BMP6: variants seen among roughly 807,000 people sequenced by gnomAD.
BMP6 encodes the protein bone morphogenetic protein 6.
A neutral mutation model predicts 54.1 loss-of-function variants in BMP6; 17 were observed. The ratio of observed to expected loss-of-function variants is 0.31; its 90% CI spans 0.22 to 0.47. The LOEUF (loss-of-function observed/expected upper bound fraction) is 0.47, where lower values mean the gene tolerates loss of function less well. Ranked by LOEUF, BMP6 falls within the 20% of genes least tolerant of loss-of-function variation. BMP6 has a pLI of 1.00. For missense variants in BMP6, 720 were observed against 690.4 expected (o/e 1.04, Z -0.48); for synonymous variants, 328 against 291.2 (o/e 1.13, Z -1.28).
At chr6:7,751,281 C>A (rs764422666) in intron 1 of BMP6, among the ~76,000 whole-genome samples, 13 of 152,172 alleles carry the variant, frequency 8.5e-5, no homozygotes, top group Non-Finnish European at 1.6e-4. Context: ...AAATGGAGCT[C>A]AGATCAATCT....
chr6:7,727,369 T>A lies in BMP6; in HGVS notation c.414T>A (p.Asp138Glu). The A allele has an allele frequency of 1.2e-6, 2 of 1,609,876 alleles. No homozygotes were observed. The highest frequency in any genetic ancestry group is 1.7e-6 in the Non-Finnish European group (2 of 1,178,836). The change falls in exon 1 of 7, where the codon GAT becomes GAA. Residue 138 changes from aspartate to glutamate, a missense_variant. Physicochemically the swap from Asp to Glu is conservative, Grantham distance 45 (BLOSUM62 2). Coordinates refer to ENST00000283147, the MANE Select transcript of BMP6 (RefSeq NM_001718.6). ...AGTCCGCGCCCCTCTTCATGCTGGA[T>A]CTGTACAACGCCCTGTCCGCCGACA... ...RLKSAPLFML[D>E]LYNALSADND...
At chr6:7,801,728 C>G (rs575376071) in intron 1 of BMP6, among the ~76,000 whole-genome samples, 1 of 152,334 alleles carries the variant, frequency 6.6e-6, no homozygotes, top group South Asian at 2.1e-4. Flanking sequence ...CAGAATGCAG[C>G]ATGAACACAG....
intron 1 of BMP6, among the ~76,000 whole-genome samples, chr6:7,839,908 G>A (rs1406128576): frequency 6.6e-6 from 1 of 152,212 alleles, no homozygotes. Flanking sequence ...GCACCATTTT[G>A]CATTCCCATC....
intron 1 of BMP6, among the ~76,000 whole-genome samples, chr6:7,777,225 C>T (rs2113163048): frequency 6.6e-6 from 1 of 152,338 alleles, no homozygotes; most frequent in Non-Finnish European, 1.5e-5. Context: ...GTCAGAGGTG[C>T]TGGCTGAGTC....
At chr6:7,761,935 T>A (rs1472908376) in intron 1 of BMP6, among the ~76,000 whole-genome samples, 1 of 152,212 alleles carries the variant, frequency 6.6e-6, no homozygotes, top group Non-Finnish European at 1.5e-5. Context: ...TCTGACTCTG[T>A]TGCCCAGGCT....
At chr6:7,831,008 A>G (rs552042681) in intron 1 of BMP6, among the ~76,000 whole-genome samples, 1 of 152,380 alleles carries the variant, frequency 6.6e-6, no homozygotes, top group South Asian at 2.1e-4. Context: ...ATGCATGTTC[A>G]TAGAAGCACT....
At chr6:7,838,402 T>C (rs1377047865) in intron 1 of BMP6, among the ~76,000 whole-genome samples, 1 of 152,082 alleles carries the variant, frequency 6.6e-6, no homozygotes, top group Admixed American at 6.5e-5. Context: ...AACCACACAA[T>C]GCCATAGGAA....
At chr6:7,807,037 A>G (rs972583019) in intron 1 of BMP6, among the ~76,000 whole-genome samples, 4 of 152,152 alleles carry the variant, frequency 2.6e-5, no homozygotes, top group Admixed American at 2.0e-4. Flanking sequence ...ATATTTAACA[A>G]CTTTCTAAAA....
chr6:7,787,225 T>C (rs1758033071), intron 1 of BMP6, among the ~76,000 whole-genome samples: 1 of 152,198 alleles, frequency 6.6e-6, no homozygotes, highest in Non-Finnish European at 1.5e-5. Flanking sequence ...ATTTGTCTTC[T>C]GGCCAGTTGT....
At chr6:7,802,376 C>T (rs540007885) in intron 1 of BMP6, among the ~76,000 whole-genome samples, 12 of 152,186 alleles carry the variant, frequency 7.9e-5, no homozygotes, top group Non-Finnish European at 1.3e-4. Context: ...TGATCCCTCA[C>T]CTCTCCCTTG....
intron 1 of BMP6, among the ~76,000 whole-genome samples, chr6:7,811,413 T>G (rs1758433893): frequency 6.6e-6 from 1 of 151,986 alleles, no homozygotes; most frequent in Non-Finnish European, 1.5e-5. Flanking sequence ...AGAAGGAAGG[T>G]CTGATTTGGA....
At chr6:7,810,505 A>G in intron 1 of BMP6, among the ~76,000 whole-genome samples, 1 of 152,108 alleles carries the variant, frequency 6.6e-6, no homozygotes, top group Non-Finnish European at 1.5e-5. Flanking sequence ...TTAAACTCTT[A>G]CAGAGGTACT....
intron 4 of BMP6, among the ~76,000 whole-genome samples, chr6:7,878,553 G>T (rs1759658562): frequency 6.6e-6 from 1 of 152,160 alleles, no homozygotes; most frequent in Non-Finnish European, 1.5e-5. Context: ...CCTGCGTGGT[G>T]TCTCCCTCTC....
rs753449922 is a variant in BMP6, at chr6:7,862,514, G to A, written c.1204+16G>A. ...AGTGCTTCAGGTGGGTTTGTGGGGA[G>A]CCTGTGTTTCCAGAAAGCCTTGTTG... On this transcript the variant is annotated intron_variant, in intron 4 of 6. Coordinates refer to ENST00000283147, the MANE Select transcript of BMP6 (RefSeq NM_001718.6). The A allele has an allele frequency of 1.5e-5, 24 of 1,613,096 alleles. No individual in the cohort carries two copies. The highest frequency in any genetic ancestry group is 1.9e-5 in the Non-Finnish European group (23 of 1,179,650).
In BMP6 at chr6:7,726,235, C is replaced by G. The variant is rs927366452; in HGVS notation, c.-721C>G. ...CCTTTCTGCGAGCGGGTTTGCTGGGCAGCCGGGCGACCGCCGAACGGAAAG... is the reference window on the plus strand; with the variant it reads ...CCTTTCTGCGAGCGGGTTTGCTGGGGAGCCGGGCGACCGCCGAACGGAAAG... On this transcript the variant is annotated 5_prime_UTR_variant, in exon 1 of 7. Coordinates refer to ENST00000283147, the MANE Select transcript of BMP6 (RefSeq NM_001718.6). 3.3e-5 allele frequency among the ~76,000 whole-genome samples: 5 copies of G among 152,124 alleles called. No homozygotes were observed. Among genetic ancestry groups the G allele is most frequent in the African/African-American group, 1.2e-4 (5 of 41,426 alleles).
intron 1 of BMP6, among the ~76,000 whole-genome samples, chr6:7,829,326 G>C (rs890981417): frequency 6.6e-6 from 1 of 151,944 alleles, no homozygotes; most frequent in Non-Finnish European, 1.5e-5. Context: ...ATGTTGATGG[G>C]AGCAGGAAAA....
intron 1 of BMP6, among the ~76,000 whole-genome samples, chr6:7,840,860 C>T (rs1208150429): frequency 2.0e-5 from 3 of 152,194 alleles, no homozygotes; most frequent in Non-Finnish European, 2.9e-5. Flanking sequence ...GAGCCAGCCA[C>T]CAAGGCTGAT....
At chr6:7,804,128 T>C (rs1371592432) in intron 1 of BMP6, among the ~76,000 whole-genome samples, 1 of 152,118 alleles carries the variant, frequency 6.6e-6, no homozygotes, top group African/African-American at 2.4e-5. Flanking sequence ...AATTGGAGCA[T>C]TATAAGAGAT....
At chr6:7,873,889 A>G (rs1302884477) in intron 4 of BMP6, among the ~76,000 whole-genome samples, 1 of 152,066 alleles carries the variant, frequency 6.6e-6, no homozygotes, top group African/African-American at 2.4e-5. Context: ...TGATGCCAAG[A>G]TGGTCTTCAT....
Sources: gnomAD v4.1 joint callset for allele counts (sites outside exome capture counted in the v4.1 genomes callset) on GRCh38, gnomAD v4.1.1 for gene constraint, MANE v1.5 for transcripts, NCBI Gene and HGNC (gene_info 2026-07-23, HGNC 2026-07-21) for gene names.